CES1: variants seen among roughly 807,000 people sequenced by gnomAD.
The protein encoded by CES1 is liver carboxylesterase 1.
CES1 carries 50 observed loss-of-function variants against 53.0 expected under a neutral mutation model. The ratio of observed to expected loss-of-function variants is 0.94; its 90% CI spans 0.75 to 1.19. CES1 has a LOEUF of 1.19. Ranked by LOEUF, CES1 falls within the 50% of genes most tolerant of loss-of-function variation. CES1 has a pLI of 0.00. For missense variants in CES1, 534 were observed against 538.0 expected, an observed-to-expected ratio of 0.99 and a Z score of 0.07; for synonymous variants, 202 against 210.1, an observed-to-expected ratio of 0.96 and a Z score of 0.33.
intron 6 of CES1, 38 bp downstream of exon 6, chr16:55,820,334 G>A: frequency 9.5e-7 from 1 of 1,055,336 alleles, no homozygotes; most frequent in South Asian, 1.3e-5. Context: ...CAAGGAGGTG[G>A]GGGTGTCCAG....
At chr16:55,809,639 G>T (rs1309714338) in intron 11 of CES1, among the ~76,000 whole-genome samples, 2 of 152,150 alleles carry the variant, frequency 1.3e-5, no homozygotes, top group Non-Finnish European at 2.9e-5. Context: ...GCATGCTACT[G>T]CACGCACTGA....
rs1458375620 is a variant in CES1 at position 55,821,361 on chromosome 16, A to G, written c.693+7T>C. The G allele has an allele frequency of 6.2e-7, 1 of 1,614,160 alleles. No individual in the cohort carries two copies. The highest frequency in any genetic ancestry group is 8.5e-7 in the Non-Finnish European group (1 of 1,180,030). Reference sequence around the variant, plus strand: ...GTGGGGTTGGGCCTGGTGACAGGAAAACTCACAAGAACAGAGACACTTTCT... The same window carrying G: ...GTGGGGTTGGGCCTGGTGACAGGAAGACTCACAAGAACAGAGACACTTTCT... On this transcript the variant is annotated splice_region_variant and intron_variant, in intron 5 of 13. Coordinates refer to ENST00000360526, the MANE Select transcript of CES1 (RefSeq NM_001025195.2).
chr16:55,809,345 T>C (rs1268313167), intron 11 of CES1, among the ~76,000 whole-genome samples: 1 of 152,222 alleles, frequency 6.6e-6, no homozygotes, highest in Non-Finnish European at 1.5e-5. Flanking sequence ...CAAAGGTGTG[T>C]CAGGGCACCT....
At chr16:55,812,232 A>G (rs1298527553) in intron 9 of CES1, 1 of 153,912 alleles carries the variant, frequency 6.5e-6, no homozygotes, top group Non-Finnish European at 1.4e-5. Context: ...TACTTTTTCC[A>G]TTTATTTGTT....
At chr16:55,808,849 A>G (rs1386753580) in intron 11 of CES1, among the ~76,000 whole-genome samples, 1 of 152,178 alleles carries the variant, frequency 6.6e-6, no homozygotes, top group Admixed American at 6.5e-5. Flanking sequence ...GAACAAAAGT[A>G]AAATATAAAA....
chr16:55,812,468 T>A (rs1479895212), intron 9 of CES1: 2 of 256,970 alleles, frequency 7.8e-6, no homozygotes, highest in African/African-American at 2.2e-5. Flanking sequence ...AGCCACTTTC[T>A]TTGGATATTT....
chr16:55,813,010 TC>T lies in CES1; in HGVS notation c.978del (p.Met327CysfsTer4). 2 of 1,613,926 alleles carry T rather than the reference TC, an allele frequency of 1.2e-6. No homozygotes were observed. Among genetic ancestry groups the T allele is most frequent in the South Asian group, 2.2e-5 (2 of 91,082 alleles). Reference protein sequence around the residue: ...SQPLLGTVIDGMLLLKTPEEL... With the variant: ...SQPLLGTVIDXMLLLKTPEEL... Reference sequence around the variant, plus strand: ...TCTTCAGGTGTTTTCAGCAGCAGCATCCCATCAATCACAGTGCCCAGAAGGG... The same window carrying T: ...TCTTCAGGTGTTTTCAGCAGCAGCATCCATCAATCACAGTGCCCAGAAGGG... On this transcript the variant is annotated frameshift_variant, in exon 9 of 14. Transcript: ENST00000360526. LOFTEE classifies it high-confidence loss of function.
intron 8 of CES1, among the ~76,000 whole-genome samples, chr16:55,813,962 T>G (rs1285421009): frequency 6.6e-6 from 1 of 152,232 alleles, no homozygotes; most frequent in East Asian, 1.9e-4. Flanking sequence ...GCTCTGTACC[T>G]GCCTGTGTGT....
chr16:55,831,859 T>A (rs2032692141), intron 1 of CES1, among the ~76,000 whole-genome samples: 1 of 149,666 alleles, frequency 6.7e-6, no homozygotes, highest in Non-Finnish European at 1.5e-5. Context: ...CATTTCCCTG[T>A]GTGAGTCTCA....
intron 10 of CES1, 21 bp from the exon 11 acceptor site, chr16:55,810,685 A>G: frequency 6.2e-7 from 1 of 1,613,834 alleles, no homozygotes; most frequent in South Asian, 1.1e-5. Flanking sequence ...TCAAAAAGTG[A>G]CCACCAGCCC....
chr16:55,819,782 T>C (rs1190045732), intron 6 of CES1, 143 bp from the exon 7 acceptor site: 7 of 767,002 alleles, frequency 9.1e-6, no homozygotes, highest in Non-Finnish European at 1.6e-5. Context: ...GGGTGTGGGT[T>C]CCAGGTCCCA....
chr16:55,811,019 A>AC lies in CES1; in HGVS notation c.1087-10_1087-9insG. ...GGATAGCTCATCAACTGCTAAAAAA[A>AC]AAAAAAAGTTCAGCATTTATGAATC... On this transcript the variant is annotated splice_polypyrimidine_tract_variant and intron_variant, in intron 9 of 13. Coordinates refer to ENST00000360526, the MANE Select transcript of CES1 (RefSeq NM_001025195.2). 6.2e-7 allele frequency: 1 copy of AC among 1,606,896 alleles called. No individual in the cohort carries two copies. The highest frequency in any genetic ancestry group is 1.7e-4 in the Middle Eastern group (1 of 6,058).
intron 8 of CES1, among the ~76,000 whole-genome samples, chr16:55,814,429 C>T (rs1399126991): frequency 6.6e-6 from 1 of 152,208 alleles, no homozygotes; most frequent in Non-Finnish European, 1.5e-5. Context: ...ACTTTGAAAC[C>T]AGATTAACTG....
chr16:55,824,069 G>T (rs1306893169), intron 3 of CES1, among the ~76,000 whole-genome samples: 1 of 152,252 alleles, frequency 6.6e-6, no homozygotes, highest in Non-Finnish European at 1.5e-5. Context: ...GGCAGCCCTT[G>T]TATCTCAGCT....
chr16:55,821,979 GT>G (rs2032219508), intron 4 of CES1, among the ~76,000 whole-genome samples: 2 of 152,236 alleles, frequency 1.3e-5, no homozygotes, highest in Non-Finnish European at 2.9e-5. Flanking sequence ...GACATTTGAG[GT>G]TTTGGAGGCA....
chr16:55,817,873 T>A (rs1740141000), intron 7 of CES1, among the ~76,000 whole-genome samples: 1 of 152,210 alleles, frequency 6.6e-6, no homozygotes, highest in African/African-American at 2.4e-5. Flanking sequence ...TTCTAGGATC[T>A]TAGGGATGGG....
At chr16:55,815,255 G>A (rs1482200276) in intron 8 of CES1, among the ~76,000 whole-genome samples, 3 of 152,194 alleles carry the variant, frequency 2.0e-5, no homozygotes, top group African/African-American at 7.2e-5. Context: ...GCACGCAGGT[G>A]TGTTTTGAAG....
chr16:55,821,557 G>A (rs760435901), intron 4 of CES1, 36 bp from the exon 5 acceptor site: 2 of 1,613,486 alleles, frequency 1.2e-6, no homozygotes, highest in South Asian at 1.1e-5. Flanking sequence ...GTGGGGAGCA[G>A]AGATGTCATG....
At chr16:55,815,757 G>C (rs1289175816) in intron 8 of CES1, among the ~76,000 whole-genome samples, 9 of 152,104 alleles carry the variant, frequency 5.9e-5, no homozygotes, top group African/African-American at 2.2e-4. Context: ...CTGGTCAACT[G>C]CATCCACTTT....
Sources: gnomAD v4.1 joint callset for allele counts (sites outside exome capture counted in the v4.1 genomes callset) on GRCh38, gnomAD v4.1.1 for gene constraint, MANE v1.5 for transcripts, NCBI Gene and HGNC (gene_info 2026-07-23, HGNC 2026-07-21) for gene names.